TMEM87A: variants seen among roughly 807,000 people sequenced by gnomAD.
TMEM87A encodes transmembrane protein 87A.
Under a neutral mutation model 90.0 loss-of-function variants are expected in TMEM87A, and 50 were observed. The ratio of observed to expected loss-of-function variants is 0.56; its 90% confidence interval spans 0.44 to 0.70. The LOEUF is 0.70. Ranked by LOEUF, TMEM87A falls within the 30% of genes least tolerant of loss-of-function variation. The pLI, the probability that TMEM87A is intolerant of heterozygous loss-of-function variation, is 0.00. For missense variants in TMEM87A, 577 were observed against 660.5 expected (o/e 0.87, Z 1.39); for synonymous variants, 226 against 226.7 (o/e 1.00, Z 0.03).
intron 6 of TMEM87A, among the ~76,000 whole-genome samples, chr15:42,256,040 A>C (rs556819702): frequency 3.3e-5 from 5 of 151,726 alleles, no homozygotes; most frequent in African/African-American, 4.8e-5. Context: ...TTGGCCTCAC[A>C]AAGTGCTGGG....
At chr15:42,232,543 G>A (rs1444578892) in intron 11 of TMEM87A, among the ~76,000 whole-genome samples, 3 of 151,780 alleles carry the variant, frequency 2.0e-5, no homozygotes, top group East Asian at 1.9e-4. Context: ...GCACGATCTC[G>A]GCTCACTGCA....
chr15:42,215,876 C>G (rs1204824675), intron 19 of TMEM87A, among the ~76,000 whole-genome samples: 1 of 152,100 alleles, frequency 6.6e-6, no homozygotes, highest in Non-Finnish European at 1.5e-5. Flanking sequence ...TCCAGTAATC[C>G]CACTTCTGCA....
At chr15:42,265,178 A>C (rs1246580129) in intron 3 of TMEM87A, among the ~76,000 whole-genome samples, 3 of 152,176 alleles carry the variant, frequency 2.0e-5, no homozygotes, top group Non-Finnish European at 1.5e-5. Flanking sequence ...ATATATGTGC[A>C]TATGTCTTTA....
intron 4 of TMEM87A, among the ~76,000 whole-genome samples, chr15:42,263,710 T>C (rs1156633369): frequency 1.3e-5 from 2 of 152,116 alleles, no homozygotes; most frequent in African/African-American, 2.4e-5. Context: ...ATTGTGCCAC[T>C]GCACTCCAGC....
chr15:42,246,195 A>T (rs2050968558), intron 6 of TMEM87A, among the ~76,000 whole-genome samples: 2 of 152,188 alleles, frequency 1.3e-5, no homozygotes, highest in East Asian at 1.9e-4. Flanking sequence ...ATATTGCTGT[A>T]TGTATCAGAG....
intron 15 of TMEM87A, among the ~76,000 whole-genome samples, chr15:42,221,845 G>A (rs1464985513): frequency 6.6e-6 from 1 of 152,144 alleles, no homozygotes; most frequent in African/African-American, 2.4e-5. Context: ...CGACATCCCA[G>A]GTTCAAGTGA....
chr15:42,252,046 G>A (rs751327618), intron 6 of TMEM87A, among the ~76,000 whole-genome samples: 18 of 152,210 alleles, frequency 1.2e-4, no homozygotes, highest in African/African-American at 3.6e-4. Flanking sequence ...CGTGGGACCC[G>A]CTGAGCCAGG....
At chr15:42,243,790 G>T (rs1431414573) in intron 7 of TMEM87A, among the ~76,000 whole-genome samples, 2 of 151,996 alleles carry the variant, frequency 1.3e-5, no homozygotes, top group African/African-American at 4.8e-5. Context: ...AAAGTGCTAG[G>T]ATTACAGGCA....
chr15:42,230,543 A>G (rs2050669154), intron 12 of TMEM87A, among the ~76,000 whole-genome samples: 1 of 152,212 alleles, frequency 6.6e-6, no homozygotes, highest in African/African-American at 2.4e-5. Context: ...TAATATATAA[A>G]TTTAATTTTA....
intron 6 of TMEM87A, chr15:42,257,921 A>C: frequency 1.0e-6 from 1 of 984,130 alleles, no homozygotes. Flanking sequence ...AATCACACCA[A>C]ACTGCTAAAA....
intron 3 of TMEM87A, among the ~76,000 whole-genome samples, chr15:42,266,152 T>TG: frequency 6.6e-6 from 1 of 152,204 alleles, no homozygotes; most frequent in Non-Finnish European, 1.5e-5. Context: ...CTTTGAGCAA[T>TG]ATATTTTCAA....
chr15:42,273,117 T>G, intron 1 of TMEM87A, 138 bp downstream of exon 1: 1 of 1,102,814 alleles, frequency 9.1e-7, no homozygotes. Context: ...TGGGTCCCAG[T>G]TGGCTAGCCA....
intron 11 of TMEM87A, among the ~76,000 whole-genome samples, chr15:42,232,658 T>C (rs2050705403): frequency 6.6e-6 from 1 of 151,766 alleles, no homozygotes. Context: ...TATTTTTTTT[T>C]TTTTTAGTAG....
intron 15 of TMEM87A, among the ~76,000 whole-genome samples, chr15:42,221,073 C>T (rs1480699151): frequency 2.0e-5 from 3 of 152,164 alleles, no homozygotes; most frequent in Non-Finnish European, 4.4e-5. Flanking sequence ...CTGCCTCAGC[C>T]GCCCGCCACG....
chr15:42,261,354 C>A, intron 4 of TMEM87A, 105 bp from the exon 5 acceptor site: 1 of 820,916 alleles, frequency 1.2e-6, no homozygotes, highest in Non-Finnish European at 1.8e-6. Context: ...CACACCCTAA[C>A]TAGTAAATAT....
At chr15:42,260,873 T>C (rs1243890935) in intron 6 of TMEM87A, 85 bp downstream of exon 6, 2 of 1,411,914 alleles carry the variant, frequency 1.4e-6, no homozygotes, top group Non-Finnish European at 9.8e-7. Context: ...AATATTAGCA[T>C]AGTATGGGAG....
At chr15:42,272,474 TAC>T (rs779765893) in intron 1 of TMEM87A, among the ~76,000 whole-genome samples, 2 of 152,332 alleles carry the variant, frequency 1.3e-5, no homozygotes, top group Non-Finnish European at 2.9e-5. Context: ...ATTTGGACAT[TAC>T]AGTCAGTGAG....
chr15:42,229,046 A>G (rs978702905), intron 12 of TMEM87A, among the ~76,000 whole-genome samples: 1 of 151,960 alleles, frequency 6.6e-6, no homozygotes, highest in African/African-American at 2.4e-5. Flanking sequence ...GGTCTAGCCC[A>G]GGCTAGAGTG....
Position 42,226,879 on chromosome 15 carries a change from TG to T in TMEM87A, c.1329del (p.Ile444SerfsTer8). On this transcript the variant is annotated frameshift_variant, in exon 15 of 20. Transcript: ENST00000389834. LOFTEE classifies it high-confidence loss of function. ...SDWRELWVDD[A>X]IWRLLFSMIL... ...ATCATGGAGAACAGCAAGCGCCAGATGGCATCGTCTACCCACAGCTCCCGCC... is the reference window on the plus strand; with the variant it reads ...ATCATGGAGAACAGCAAGCGCCAGATGCATCGTCTACCCACAGCTCCCGCC... 1 of 1,614,096 alleles carries T rather than the reference TG, an allele frequency of 6.2e-7. No homozygotes were observed. Among genetic ancestry groups the T allele is most frequent in the Non-Finnish European group, 8.5e-7 (1 of 1,180,030 alleles).
Sources: allele counts gnomAD v4.1 joint callset (sites outside exome capture counted in the v4.1 genomes callset), GRCh38; gene constraint gnomAD v4.1.1; transcripts MANE v1.5; gene names NCBI Gene and HGNC (gene_info 2026-07-23, HGNC 2026-07-21).